Variants in OSBPL10 observed in about 807,000 individuals in gnomAD.
OSBPL10 encodes oxysterol binding protein like 10, also known as oxysterol-binding protein-related protein 10.
Under a neutral mutation model 81.7 loss-of-function variants are expected in OSBPL10, and 49 were observed. That is an observed-to-expected ratio of 0.60 (90% CI 0.48 to 0.76). OSBPL10 has a LOEUF of 0.76. OSBPL10 is among the 30% of genes least tolerant of loss of function. OSBPL10 has a pLI of 0.00. For missense variants in OSBPL10, 923 were observed against 987.8 expected (o/e 0.93, Z 0.88); for synonymous variants, 419 against 383.6 (o/e 1.09, Z -1.08).
At chr3:31,949,396 C>T (rs1442837496) in intron 1 of OSBPL10, among the ~76,000 whole-genome samples, 5 of 151,818 alleles carry the variant, frequency 3.3e-5, no homozygotes, top group South Asian at 2.1e-4. Flanking sequence ...CGGCTGGGCA[C>T]GGTGGCTCAC....
chr3:31,691,112 G>A (rs150134791), intron 7 of OSBPL10, among the ~76,000 whole-genome samples: 8 of 152,100 alleles, frequency 5.3e-5, no homozygotes, highest in South Asian at 2.1e-4. Context: ...TGGATTTACC[G>A]AGCCATCAAT....
intron 5 of OSBPL10, among the ~76,000 whole-genome samples, chr3:31,736,418 C>G (rs1161360473): frequency 2.0e-5 from 3 of 152,000 alleles, no homozygotes; most frequent in Admixed American, 6.6e-5. Context: ...GCACTAATAC[C>G]AGAACTTGAG....
intron 1 of OSBPL10, among the ~76,000 whole-genome samples, chr3:31,963,315 G>T (rs1395048744): frequency 6.6e-6 from 1 of 151,344 alleles, no homozygotes; most frequent in Non-Finnish European, 1.5e-5. Context: ...AGAATGAGTT[G>T]TAGACATCTC....
At chr3:32,023,865 T>C (rs1327379428) in intron 2 of OSBPL10, among the ~76,000 whole-genome samples, 1 of 152,326 alleles carries the variant, frequency 6.6e-6, no homozygotes, top group African/African-American at 2.4e-5. Context: ...TAAAGTTTAA[T>C]TTATAAATTA....
At position 31,837,000 on chromosome 3, in the gene OSBPL10, A is replaced by C. The variant is rs80043082; in HGVS notation, c.538-6769T>G. Among the ~76,000 whole-genome samples the C allele has an allele frequency of 7.0e-3, 1,072 of 152,256 alleles. 14 individuals carry two copies. The highest frequency in any genetic ancestry group is 0.025 in the African/African-American group (1,036 of 41,540). ...ATAGATCTAAAGTCTACAGCTCCCAAAAGGTAAATGAATCATTCAAAACTC... is the reference window on the plus strand; with the variant it reads ...ATAGATCTAAAGTCTACAGCTCCCACAAGGTAAATGAATCATTCAAAACTC... On this transcript the variant is annotated intron_variant, in intron 3 of 11. Transcript: ENST00000396556.
intron 1 of OSBPL10, among the ~76,000 whole-genome samples, chr3:31,966,278 T>A (rs1439914578): frequency 6.7e-6 from 1 of 150,356 alleles, no homozygotes; most frequent in African/African-American, 2.4e-5. Context: ...AAAATAGAAA[T>A]ACAACATATC....
rs895470225 is a variant in OSBPL10 at position 31,727,840 on chromosome 3, A to T, written c.1095+5417T>A. Reference sequence around the variant, plus strand: ...TATGTATCATGGGGATGAAAAATTTAAAAAAATGATAAAAATGTGTTGAGG... The same window carrying T: ...TATGTATCATGGGGATGAAAAATTTTAAAAAATGATAAAAATGTGTTGAGG... On this transcript the variant is annotated intron_variant, in intron 6 of 11. Coordinates refer to ENST00000396556, the MANE Select transcript of OSBPL10 (RefSeq NM_017784.5). Among the ~76,000 whole-genome samples, 296 of 152,314 alleles carry T rather than the reference A, an allele frequency of 1.9e-3. 4 individuals carry two copies. The highest frequency in any genetic ancestry group is 6.8e-3 in the African/African-American group (284 of 41,576).
At chr3:31,989,511 G>C in intron 2 of OSBPL10, 8 of 1,614,138 alleles carry the variant, frequency 5.0e-6, no homozygotes, top group South Asian at 2.2e-5. Flanking sequence ...ATGATCGAAG[G>C]CATCCTGGAA....
At position 31,966,153 on chromosome 3, in the gene OSBPL10, A is replaced by ATGTCTGTG. The variant is rs1472350138; in HGVS notation, c.281+14745_281+14746insCACAGACA. Among the ~76,000 whole-genome samples, 358 of 134,894 alleles carry ATGTCTGTG rather than the reference A, an allele frequency of 2.7e-3. 3 individuals are homozygous for ATGTCTGTG. Among genetic ancestry groups the ATGTCTGTG allele is most frequent in the African/African-American group, 9.3e-3 (342 of 36,630 alleles). The allele number at this position is 134,894 out of a possible 152,430, so 88.5% of individuals were successfully genotyped here. On this transcript the variant is annotated intron_variant, in intron 1 of 11. Transcript: ENST00000396556. ...CTACTACAACAACAACAACAAAATT[A>ATGTCTGTG]TGTGTGTGTGTGTGTGTGTGTGTGT...
chr3:31,766,321 GTTTTTTTGTTTTTTTGTT>G (rs1304569720), intron 4 of OSBPL10, among the ~76,000 whole-genome samples: 2 of 68,594 alleles, frequency 2.9e-5, no homozygotes, highest in African/African-American at 8.7e-5. Flanking sequence ...GCCCAATGTA[GTTTTTTTGTTTTTTTGTT>G]TTTTTTTGTT....
intron 1 of OSBPL10, 35 bp from the exon 2 acceptor site, chr3:31,879,865 T>C (rs1695508044): frequency 2.5e-6 from 4 of 1,597,616 alleles, no homozygotes; most frequent in Non-Finnish European, 3.4e-6. Context: ...CATTTTTCTC[T>C]CCTACCCTAT....
At chr3:31,663,870 C>T in intron 11 of OSBPL10, 1 of 1,444,740 alleles carries the variant, frequency 6.9e-7, no homozygotes, top group Non-Finnish European at 9.1e-7. Context: ...TTGCTCAGTT[C>T]TGCCCTCCAG....
intron 8 of OSBPL10, among the ~76,000 whole-genome samples, chr3:31,681,006 GT>G (rs34149644): frequency 0.36 from 55,286 of 152,008 alleles, 10,356 homozygotes; most frequent in African/African-American, 0.45. Context: ...TATTGATGAG[GT>G]TTATCTAAAG....
intron 8 of OSBPL10, among the ~76,000 whole-genome samples, chr3:31,682,656 G>C (rs1038173664): frequency 2.6e-5 from 4 of 152,300 alleles, no homozygotes; most frequent in African/African-American, 4.8e-5. Context: ...ACCCCCACCT[G>C]CTTTGTTTCT....
chr3:31,785,860 G>A (rs1381499863), intron 4 of OSBPL10, among the ~76,000 whole-genome samples: 3 of 152,126 alleles, frequency 2.0e-5, no homozygotes, highest in Non-Finnish European at 4.4e-5. Flanking sequence ...CTCTGAGCAT[G>A]GCTTTAGGAT....
intron 2 of OSBPL10, 35 bp downstream of exon 2, chr3:31,879,620 G>A (rs753105341): frequency 1.3e-6 from 2 of 1,578,072 alleles, no homozygotes; most frequent in African/African-American, 1.4e-5. Context: ...AGCAACTAGA[G>A]GCCTGTCTGA....
intron 1 of OSBPL10, among the ~76,000 whole-genome samples, chr3:32,068,934 C>A (rs1163132436): frequency 2.0e-5 from 3 of 152,028 alleles, no homozygotes; most frequent in Non-Finnish European, 2.9e-5. Context: ...CAGGCTCCAA[C>A]TCTTGTTCAG....
At chr3:31,966,293 T>G (rs1351095547) in intron 1 of OSBPL10, among the ~76,000 whole-genome samples, 1 of 151,108 alleles carries the variant, frequency 6.6e-6, no homozygotes, top group Non-Finnish European at 1.5e-5. Context: ...CATATCAAAA[T>G]GTGTGAGTGC....
At chr3:31,988,211 T>C (rs1698963821) in intron 2 of OSBPL10, among the ~76,000 whole-genome samples, 1 of 152,220 alleles carries the variant, frequency 6.6e-6, no homozygotes, top group South Asian at 2.1e-4. Flanking sequence ...AAGGGGCAGA[T>C]AACCAGTCTC....
Sources: allele counts gnomAD v4.1 joint callset (sites outside exome capture counted in the v4.1 genomes callset), GRCh38; gene constraint gnomAD v4.1.1; transcripts MANE v1.5; gene names NCBI Gene and HGNC (gene_info 2026-07-23, HGNC 2026-07-21).